Variants in SCN10A observed in about 807,000 individuals in gnomAD.
The protein encoded by SCN10A is sodium channel protein type 10 subunit alpha.
A neutral mutation model predicts 170.7 loss-of-function variants in SCN10A; 162 were observed. The ratio of observed to expected loss-of-function variants is 0.95; its 90% CI spans 0.84 to 1.08. The LOEUF (loss-of-function observed/expected upper bound fraction) is 1.08. Among genes scored for constraint, SCN10A ranks in the 50% least tolerant of loss-of-function variants. The pLI is 0.00. For missense variants in SCN10A, 2,527 were observed against 2,436.9 expected, an observed-to-expected ratio of 1.04 and a Z score of -0.78; for synonymous variants, 985 against 904.6, an observed-to-expected ratio of 1.09 and a Z score of -1.59.
chr3:38,704,442 T>C (rs1465759752), intron 26 of SCN10A, among the ~76,000 whole-genome samples: 2 of 152,336 alleles, frequency 1.3e-5, no homozygotes, highest in East Asian at 3.9e-4. Context: ...AAGTTTGCCC[T>C]GGATATTCTG....
intron 26 of SCN10A, among the ~76,000 whole-genome samples, chr3:38,703,575 C>T (rs758698366): frequency 6.6e-6 from 1 of 152,208 alleles, no homozygotes; most frequent in Non-Finnish European, 1.5e-5. Flanking sequence ...TCCAAGGACG[C>T]TTGTCTGATA....
In SCN10A at chr3:38,702,080, G is replaced by T. The variant is rs144944369; in HGVS notation, c.4416C>A (p.Ile1472=). The T allele has an allele frequency of 6.4e-7, 1 of 1,572,444 alleles. No individual in the cohort carries two copies. Among genetic ancestry groups the T allele is most frequent in the Admixed American group, 1.9e-5 (1 of 53,838 alleles). Residue 1472 remains isoleucine (I), a synonymous_variant, in exon 27 of 28, where the codon ATC becomes ATA. Coordinates refer to ENST00000449082, the MANE Select transcript of SCN10A (RefSeq NM_006514.4). ...LNKFQGFVFD[I]VTRQAFDITI... ...TGATGTCAAAAGCTTGTCTGGTCAC[G>T]ATGTCAAAGACAAAACCCTGGAACT...
chr3:38,777,175 C>G (rs1375912338), intron 4 of SCN10A, among the ~76,000 whole-genome samples: 2 of 151,700 alleles, frequency 1.3e-5, no homozygotes, highest in East Asian at 3.9e-4. Context: ...TTCAATAAGA[C>G]AGGAAAAATA....
chr3:38,788,903 GAAGAA>G, intron 4 of SCN10A, 48 bp downstream of exon 4: 5 of 1,092,422 alleles, frequency 4.6e-6, no homozygotes, highest in Non-Finnish European at 7.1e-6. Context: ...CCAAGTGAAG[GAAGAA>G]AAGAAAGCAA....
chr3:38,783,872 T>C (rs765273810), intron 4 of SCN10A, among the ~76,000 whole-genome samples: 2 of 152,078 alleles, frequency 1.3e-5, no homozygotes, highest in Admixed American at 6.6e-5. Flanking sequence ...CTTGGTATTG[T>C]GACACTTTAA....
chr3:38,813,559 C>T (rs1344398857), intron 1 of SCN10A, among the ~76,000 whole-genome samples: 1 of 152,116 alleles, frequency 6.6e-6, no homozygotes, highest in Non-Finnish European at 1.5e-5. Context: ...ATTGATGAAA[C>T]GGACCCTAAC....
chr3:38,698,481 A>G lies in SCN10A; in HGVS notation c.4739T>C (p.Ile1580Thr). The change falls in exon 28 of 28, where the codon ATT becomes ACT. Residue 1580 changes from isoleucine (I) to threonine (T), a missense_variant. Physicochemically the swap from Ile to Thr is moderately conservative, Grantham distance 89. Transcript: ENST00000449082. ...TLFRVIRLARIGRILRLIRAA... is the reference protein window; with the variant it reads ...TLFRVIRLARTGRILRLIRAA... The stretch of plus-strand genomic sequence containing the variant: ...TCGGATCAGTCTGAGGATGCGGCCA[A>G]TTCGGGCCAGGCGGATGACTCTGAA... The G allele has an allele frequency of 1.2e-6, 2 of 1,614,202 alleles. No individual in the cohort carries two copies. Among genetic ancestry groups the G allele is most frequent in the East Asian group, 2.2e-5 (1 of 44,878 alleles).
At chr3:38,768,961 C>A (rs1202953162) in intron 5 of SCN10A, among the ~76,000 whole-genome samples, 1 of 151,988 alleles carries the variant, frequency 6.6e-6, no homozygotes, top group African/African-American at 2.4e-5. Context: ...AAAATTCTTT[C>A]TTTTTGTGTG....
chr3:38,813,658 T>C (rs2126067479), intron 1 of SCN10A, among the ~76,000 whole-genome samples: 1 of 152,294 alleles, frequency 6.6e-6, no homozygotes, highest in East Asian at 1.9e-4. Flanking sequence ...CCTACCCTCA[T>C]GAACTAGTTC....
chr3:38,761,485 G>T, intron 6 of SCN10A, 102 bp from the exon 7 acceptor site: 2 of 1,021,156 alleles, frequency 2.0e-6, no homozygotes, highest in Non-Finnish European at 2.9e-6. Flanking sequence ...ATACAGGAGT[G>T]AAGTATGTAC....
intron 4 of SCN10A, among the ~76,000 whole-genome samples, chr3:38,773,490 C>T (rs976070845): frequency 7.9e-5 from 12 of 152,044 alleles, no homozygotes; most frequent in Non-Finnish European, 1.6e-4. Flanking sequence ...AGCTGTGATT[C>T]CCATAGGAAA....
At chr3:38,699,093 G>A (rs1369442483) in intron 27 of SCN10A, among the ~76,000 whole-genome samples, 1 of 152,056 alleles carries the variant, frequency 6.6e-6, no homozygotes, top group African/African-American at 2.4e-5. Flanking sequence ...CTAATTGTAC[G>A]GAGCCTGGTG....
chr3:38,776,774 G>A (rs2064080534), intron 4 of SCN10A, among the ~76,000 whole-genome samples: 1 of 151,956 alleles, frequency 6.6e-6, no homozygotes, highest in South Asian at 2.1e-4. Flanking sequence ...ACATCCCAAA[G>A]GGACAGTTTA....
chr3:38,728,696 C>T lies in SCN10A; in HGVS notation c.2486G>A (p.Arg829His), dbSNP rs752623537. The T allele has an allele frequency of 9.9e-6, 16 of 1,614,120 alleles. No individual in the cohort carries two copies. The highest frequency in any genetic ancestry group is 1.7e-5 in the Admixed American group (1 of 60,020). ...NISAPHEDWP[R>H]WHMHDFFHSF... ...GTGGAAGAAGTCGTGCATGTGCCAGCGGGGCCAGTCTTCATGGGGCGCGGA... is the reference window on the plus strand; with the variant it reads ...GTGGAAGAAGTCGTGCATGTGCCAGTGGGGCCAGTCTTCATGGGGCGCGGA... The change falls in exon 16 of 28, where the codon CGC becomes CAC. Residue 829 changes from arginine (R) to histidine (H), a missense_variant. Coordinates refer to ENST00000449082, the MANE Select transcript of SCN10A (RefSeq NM_006514.4).
intron 18 of SCN10A, 89 bp downstream of exon 18, chr3:38,725,085 C>G (rs1293253192): frequency 7.7e-7 from 1 of 1,304,584 alleles, no homozygotes; most frequent in Admixed American, 2.4e-5. Context: ...TGGAATACCC[C>G]ACCTTCACCG....
At chr3:38,798,433 T>TG (rs1429265302) in intron 1 of SCN10A, among the ~76,000 whole-genome samples, 1 of 152,174 alleles carries the variant, frequency 6.6e-6, no homozygotes, top group Non-Finnish European at 1.5e-5. Context: ...GTGCAGATAG[T>TG]GACGGCTATA....
intron 26 of SCN10A, among the ~76,000 whole-genome samples, chr3:38,703,996 T>G (rs1378845420): frequency 2.0e-5 from 3 of 152,172 alleles, no homozygotes; most frequent in African/African-American, 7.2e-5. Flanking sequence ...AAATGAAAAT[T>G]TAAAGTCACC....
intron 14 of SCN10A, among the ~76,000 whole-genome samples, chr3:38,741,807 C>G (rs2063635471): frequency 6.6e-6 from 1 of 152,202 alleles, no homozygotes; most frequent in Admixed American, 6.5e-5. Flanking sequence ...CACTGTCTTC[C>G]CCTTCCCTCC....
chr3:38,752,032 C>G (rs889191221), intron 12 of SCN10A, among the ~76,000 whole-genome samples, 187 bp downstream of exon 12: 3 of 152,112 alleles, frequency 2.0e-5, no homozygotes, highest in Non-Finnish European at 4.4e-5. Context: ...TGTTTGACCT[C>G]AGGCCAACTC....
Sources: allele counts gnomAD v4.1 joint callset (sites outside exome capture counted in the v4.1 genomes callset), GRCh38; gene constraint gnomAD v4.1.1; transcripts MANE v1.5; gene names NCBI Gene and HGNC (gene_info 2026-07-23, HGNC 2026-07-21).